The following CDK14 variants were observed in gnomAD, a reference collection of about 807,000 sequenced individuals.
CDK14 encodes the protein cyclin-dependent kinase 14.
A neutral mutation model predicts 60.7 loss-of-function variants in CDK14; 34 were observed. That is an observed-to-expected ratio of 0.56 (90% CI 0.43 to 0.75). The LOEUF (loss-of-function observed/expected upper bound fraction) is 0.75. CDK14 is among the 30% of genes least tolerant of loss of function. The probability of loss-of-function intolerance (pLI) is 0.00; values close to 1 mark genes in which losing one functional copy is unlikely to be tolerated. For missense variants in CDK14, 482 were observed against 564.1 expected (o/e 0.85, Z 1.47); for synonymous variants, 197 against 203.7 (o/e 0.97, Z 0.28).
intron 2 of CDK14, among the ~76,000 whole-genome samples, chr7:90,652,353 C>T (rs541240957): frequency 6.6e-6 from 1 of 152,258 alleles, no homozygotes; most frequent in Admixed American, 6.5e-5. Flanking sequence ...AGGAAAATAG[C>T]TACTGATTTA....
rs1317255461 is a variant in CDK14 at position 91,207,426 on chromosome 7, TTTGA to T, written c.*293_*296del. 6.6e-6 allele frequency: 1 copy of T among 152,594 alleles called. No individual in the cohort carries two copies. The highest frequency in any genetic ancestry group is 2.4e-5 in the African/African-American group (1 of 41,458). The allele number at this position is 152,594 out of a possible 1,614,324, so 9.5% of individuals were successfully genotyped here. ...CATGTATTCTTTTCAGTCTTTTGTG[TTTGA>T]TTTTGTTTGATTTCCCTCTGCAGCA... On this transcript the variant is annotated 3_prime_UTR_variant, in exon 15 of 15. Coordinates refer to ENST00000380050, the MANE Select transcript of CDK14 (RefSeq NM_001287135.2).
Position 90,955,707 on chromosome 7 carries a change from A to C in CDK14, c.837A>C (p.Arg279Ser). 3.1e-6 allele frequency: 5 copies of C among 1,613,346 alleles called. No homozygotes were observed. The highest frequency in any genetic ancestry group is 4.2e-6 in the Non-Finnish European group (5 of 1,179,376). ...ELKLADFGLA[R>S]AKSVPSHTYS... is the part of the protein sequence containing the mutation. ...TCATATAACCCACAGGTCTTGCAAG[A>C]GCAAAATCCGTCCCTAGCCACACAT... The change falls in exon 9 of 15, where the codon AGA (arginine) becomes AGC (serine). Residue 279 changes from arginine (R) to serine (S), a missense_variant. Arg to Ser is a moderately radical substitution (Grantham distance 110). Coordinates refer to ENST00000380050, the MANE Select transcript of CDK14 (RefSeq NM_001287135.2).
At chr7:91,160,719 C>G (rs1390614995) in intron 14 of CDK14, among the ~76,000 whole-genome samples, 2 of 151,846 alleles carry the variant, frequency 1.3e-5, no homozygotes, top group Non-Finnish European at 2.9e-5. Flanking sequence ...TCCATGCTTG[C>G]TATTTCCTTT....
At chr7:91,125,145 A>G (rs11979791) in intron 14 of CDK14, among the ~76,000 whole-genome samples, 3,425 of 152,234 alleles carry the variant, frequency 0.022, 113 homozygotes, top group African/African-American at 0.077. Context: ...AAAGAAGCTG[A>G]AAACTATTCC....
intron 4 of CDK14, among the ~76,000 whole-genome samples, chr7:90,775,133 A>G (rs1156715290): frequency 6.6e-6 from 1 of 152,162 alleles, no homozygotes; most frequent in Admixed American, 6.5e-5. Flanking sequence ...GACTCTGCTC[A>G]AGAAACAGAA....
intron 1 of CDK14, among the ~76,000 whole-genome samples, chr7:90,597,833 G>GTTTTTTTTT (rs11351927): frequency 7.2e-6 from 1 of 138,610 alleles, no homozygotes. Flanking sequence ...ATTTAGCCAA[G>GTTTTTTTTT]TTTTTTTTTT....
intron 3 of CDK14, among the ~76,000 whole-genome samples, chr7:90,745,110 G>A (rs1803537988): frequency 6.6e-6 from 1 of 152,022 alleles, no homozygotes; most frequent in Non-Finnish European, 1.5e-5. Context: ...TAAAACATAT[G>A]CATTTGGAGT....
intron 10 of CDK14, 87 bp from the exon 11 acceptor site, chr7:91,045,810 A>G: frequency 1.3e-6 from 1 of 799,446 alleles, no homozygotes; most frequent in Non-Finnish European, 2.2e-6. Flanking sequence ...GTTTCATAAT[A>G]TGTAGTGTAC....
intron 14 of CDK14, among the ~76,000 whole-genome samples, chr7:91,127,276 C>T (rs1475447656): frequency 6.6e-6 from 1 of 152,074 alleles, no homozygotes; most frequent in Non-Finnish European, 1.5e-5. Context: ...TTAAAGAAAG[C>T]AAACTTCTTT....
chr7:91,200,705 C>T (rs1802686896), intron 14 of CDK14, among the ~76,000 whole-genome samples: 1 of 152,186 alleles, frequency 6.6e-6, no homozygotes, highest in African/African-American at 2.4e-5. Context: ...CACTGGGATC[C>T]TCTGACTGTC....
intron 5 of CDK14, among the ~76,000 whole-genome samples, chr7:90,829,642 C>A (rs893738111): frequency 3.9e-5 from 6 of 152,136 alleles, no homozygotes; most frequent in Admixed American, 6.5e-5. Context: ...AAGCAGTTCT[C>A]CTGACTCAGC....
chr7:90,668,696 ATTCT>A (rs1284729912), intron 2 of CDK14, among the ~76,000 whole-genome samples: 12 of 68,446 alleles, frequency 1.8e-4, no homozygotes, highest in Non-Finnish European at 3.0e-4. Context: ...AAGGACTCGC[ATTCT>A]TTTTTTTTTT....
At chr7:90,863,304 A>C in intron 6 of CDK14, 35 bp downstream of exon 6, 1 of 1,254,348 alleles carries the variant, frequency 8.0e-7, no homozygotes, top group Non-Finnish European at 1.2e-6. Flanking sequence ...TTAGACATTT[A>C]AAATATGAAT....
chr7:90,865,429 C>T (rs1479086475), intron 6 of CDK14, among the ~76,000 whole-genome samples: 5 of 152,124 alleles, frequency 3.3e-5, no homozygotes, highest in Admixed American at 2.6e-4. Context: ...ATTTGGATAT[C>T]TCAAGAAAAA....
chr7:90,680,238 G>A (rs1316702518), intron 2 of CDK14, among the ~76,000 whole-genome samples: 1 of 152,088 alleles, frequency 6.6e-6, no homozygotes, highest in African/African-American at 2.4e-5. Context: ...ATATTAGAAG[G>A]ACATCAGTTT....
At chr7:90,872,769 A>T (rs1791414789) in intron 6 of CDK14, among the ~76,000 whole-genome samples, 1 of 152,184 alleles carries the variant, frequency 6.6e-6, no homozygotes, top group Non-Finnish European at 1.5e-5. Flanking sequence ...ATGGTCTAAG[A>T]TAGAAGTGTT....
chr7:90,990,421 A>G (rs1290470154), intron 10 of CDK14, among the ~76,000 whole-genome samples: 1 of 152,230 alleles, frequency 6.6e-6, no homozygotes, highest in Non-Finnish European at 1.5e-5. Flanking sequence ...TAGAAAAACA[A>G]ATAGGGACAA....
Position 91,066,475 on chromosome 7 carries a change from C to A in CDK14, c.1106-12957C>A, listed in dbSNP as rs182121052. Among the ~76,000 whole-genome samples the A allele has an allele frequency of 1.1e-4, 16 of 152,250 alleles. No homozygotes were observed. The East Asian group carries it at 2.3e-3, about 22-fold the overall frequency. On this transcript the variant is annotated intron_variant, in intron 11 of 14. Coordinates refer to ENST00000380050, the MANE Select transcript of CDK14 (RefSeq NM_001287135.2). ...GGTTGTTTGAACTTTTTATTCATGT[C>A]TTTCTGTCATTGAAGTTAAAAACAC...
intron 4 of CDK14, among the ~76,000 whole-genome samples, chr7:90,785,073 C>A (rs1805519749): frequency 6.6e-6 from 1 of 152,172 alleles, no homozygotes; most frequent in South Asian, 2.1e-4. Context: ...AGGAAACGAG[C>A]ATTGTATATG....
Sources: allele counts gnomAD v4.1 joint callset (sites outside exome capture counted in the v4.1 genomes callset), GRCh38; gene constraint gnomAD v4.1.1; transcripts MANE v1.5; gene names NCBI Gene and HGNC (gene_info 2026-07-23, HGNC 2026-07-21).